Variants in PARD3 observed in about 807,000 individuals in gnomAD.
The protein encoded by PARD3 is par-3 family cell polarity regulator.
A neutral mutation model predicts 155.4 loss-of-function variants in PARD3; 75 were observed. The ratio of observed to expected loss-of-function variants is 0.48; its 90% CI spans 0.40 to 0.58. The LOEUF (loss-of-function observed/expected upper bound fraction) is 0.58, where lower values mean the gene tolerates loss of function less well. Ranked by LOEUF, PARD3 falls within the 20% of genes least tolerant of loss-of-function variation. The pLI is 0.00. For synonymous variants in PARD3, 576 were observed against 610.5 expected, an observed-to-expected ratio of 0.94 and a Z score of 0.83; for missense variants, 1,642 against 1,721.7, an observed-to-expected ratio of 0.95 and a Z score of 0.82.
In PARD3 at chr10:34,242,107, C is replaced by T. The variant is rs562159212; in HGVS notation, c.3419+27550G>A. 8.5e-5 allele frequency among the ~76,000 whole-genome samples: 13 copies of T among 152,284 alleles called. No homozygotes were observed. In the South Asian group the frequency reaches 1.7e-3, roughly 19 times the overall value. On this transcript the variant is annotated intron_variant, in intron 22 of 24. Coordinates refer to ENST00000374788, the MANE Select transcript of PARD3 (RefSeq NM_001184785.2). ...CCAAAGTTGCTATCATATACATCTTCGCATTTGAATTCACTCCTGGAGCTC... is the reference window on the plus strand; with the variant it reads ...CCAAAGTTGCTATCATATACATCTTTGCATTTGAATTCACTCCTGGAGCTC...
At chr10:34,397,948 C>T (rs181494310) in intron 7 of PARD3, among the ~76,000 whole-genome samples, 6 of 151,870 alleles carry the variant, frequency 4.0e-5, no homozygotes, top group South Asian at 2.1e-4. Flanking sequence ...ATTTCTTACA[C>T]GAAATAAAGG....
intron 23 of PARD3, 125 bp downstream of exon 23, chr10:34,131,338 T>C (rs1947600095): frequency 3.1e-6 from 3 of 961,524 alleles, no homozygotes; most frequent in Non-Finnish European, 4.8e-6. Flanking sequence ...GGTCAATATG[T>C]TAAAGGTCAA....
At chr10:34,638,676 A>T (rs2092567333) in intron 2 of PARD3, among the ~76,000 whole-genome samples, 2 of 152,172 alleles carry the variant, frequency 1.3e-5, no homozygotes, top group Non-Finnish European at 2.9e-5. Context: ...CAAACAAGAA[A>T]AGTACTGCTT....
intron 3 of PARD3, among the ~76,000 whole-genome samples, chr10:34,476,706 G>A (rs2078729075): frequency 6.6e-6 from 1 of 151,988 alleles, no homozygotes; most frequent in Admixed American, 6.6e-5. Flanking sequence ...ACCTCATCCT[G>A]AGAGAATAAT....
intron 2 of PARD3, among the ~76,000 whole-genome samples, chr10:34,678,076 A>AATTT (rs985255554): frequency 1.6e-4 from 24 of 151,826 alleles, no homozygotes; most frequent in Admixed American, 5.9e-4. Context: ...TTATTTATTT[A>AATTT]ATTTATTTAT....
chr10:34,301,819 T>TC (rs1491112898), intron 20 of PARD3, among the ~76,000 whole-genome samples: 8 of 378 alleles, frequency 0.021, no homozygotes, highest in African/African-American at 0.048. Context: ...TTCTCCTTTC[T>TC]TTTTTTTTTT....
At chr10:34,555,397 A>G (rs907170741) in intron 2 of PARD3, among the ~76,000 whole-genome samples, 1 of 152,202 alleles carries the variant, frequency 6.6e-6, no homozygotes. Context: ...AATGATGGGA[A>G]GTTTTTCTTC....
intron 2 of PARD3, among the ~76,000 whole-genome samples, chr10:34,669,430 T>A (rs1365310334): frequency 6.6e-6 from 1 of 152,138 alleles, no homozygotes; most frequent in Non-Finnish European, 1.5e-5. Flanking sequence ...GAGTGTGGAA[T>A]GATAGACGGT....
intron 22 of PARD3, among the ~76,000 whole-genome samples, chr10:34,191,372 A>G (rs1950698995): frequency 6.6e-6 from 1 of 152,060 alleles, no homozygotes; most frequent in African/African-American, 2.4e-5. Flanking sequence ...TGCTATAAGT[A>G]GAGGAATCAC....
intron 22 of PARD3, among the ~76,000 whole-genome samples, chr10:34,259,174 G>C (rs626843): frequency 0.54 from 81,743 of 151,716 alleles, 22,342 homozygotes; most frequent in Middle Eastern, 0.66. Flanking sequence ...AAGCACTCAA[G>C]TTTCATTGAA....
intron 22 of PARD3, among the ~76,000 whole-genome samples, chr10:34,144,941 G>A (rs1948382635): frequency 1.3e-5 from 2 of 151,974 alleles, no homozygotes; most frequent in Admixed American, 1.3e-4. Context: ...CCTGGGACTT[G>A]TTAAAGCACA....
intron 23 of PARD3, among the ~76,000 whole-genome samples, chr10:34,130,100 C>T (rs1351785604): frequency 6.6e-6 from 1 of 152,188 alleles, no homozygotes; most frequent in Non-Finnish European, 1.5e-5. Context: ...ACTTCTGTAA[C>T]TCACGTGCAA....
chr10:34,298,383 C>T (rs935097900), intron 20 of PARD3, among the ~76,000 whole-genome samples: 7 of 152,088 alleles, frequency 4.6e-5, no homozygotes, highest in Admixed American at 3.3e-4. Flanking sequence ...AACAAAATGA[C>T]GTATATACAT....
At chr10:34,583,665 T>G (rs2087717899) in intron 2 of PARD3, among the ~76,000 whole-genome samples, 1 of 152,198 alleles carries the variant, frequency 6.6e-6, no homozygotes, top group Admixed American at 6.5e-5. Context: ...TGAGGAAACC[T>G]TATCTTCCAG....
chr10:34,553,923 T>C (rs1443166508), intron 2 of PARD3, among the ~76,000 whole-genome samples: 2 of 152,238 alleles, frequency 1.3e-5, no homozygotes, highest in East Asian at 3.8e-4. Flanking sequence ...ACTGCTGTTT[T>C]ATGAATTTTA....
At chr10:34,765,988 C>T (rs1838036266) in intron 1 of PARD3, among the ~76,000 whole-genome samples, 1 of 152,158 alleles carries the variant, frequency 6.6e-6, no homozygotes, top group South Asian at 2.1e-4. Flanking sequence ...ATTTCAAATC[C>T]AGACAGCCTA....
chr10:34,596,136 G>C (rs1459691524), intron 2 of PARD3, among the ~76,000 whole-genome samples: 1 of 152,132 alleles, frequency 6.6e-6, no homozygotes, highest in Non-Finnish European at 1.5e-5. Flanking sequence ...CAAGTTAAAT[G>C]TGAGAGTCAC....
intron 22 of PARD3, among the ~76,000 whole-genome samples, chr10:34,219,895 G>T (rs1390096123): frequency 1.3e-5 from 2 of 152,134 alleles, no homozygotes; most frequent in East Asian, 3.8e-4. Context: ...CCAATCAAAG[G>T]CTAGGCGACC....
chr10:34,363,094 CTTAA>C (rs1839614070), intron 12 of PARD3, among the ~76,000 whole-genome samples: 1 of 152,198 alleles, frequency 6.6e-6, no homozygotes, highest in African/African-American at 2.4e-5. Flanking sequence ...CTGGAAGGTT[CTTAA>C]TTGTTACTTT....
Sources: gnomAD v4.1 joint callset for allele counts (sites outside exome capture counted in the v4.1 genomes callset) on GRCh38, gnomAD v4.1.1 for gene constraint, MANE v1.5 for transcripts, NCBI Gene and HGNC (gene_info 2026-07-23, HGNC 2026-07-21) for gene names.